ANKRD11: variants seen among roughly 807,000 people sequenced by gnomAD.
ANKRD11 encodes the protein ankyrin repeat domain 11.
ANKRD11 carries 17 observed loss-of-function variants against 195.7 expected under a neutral mutation model. The ratio of observed to expected loss-of-function variants is 0.09; its 90% CI spans 0.06 to 0.13. The LOEUF (loss-of-function observed/expected upper bound fraction) is 0.13. Ranked by LOEUF, ANKRD11 falls within the 10% of genes least tolerant of loss-of-function variation. The pLI, the probability that ANKRD11 is intolerant of heterozygous loss-of-function variation, is 1.00. For synonymous variants in ANKRD11, 1,953 were observed against 1,528.1 expected, an observed-to-expected ratio of 1.28 and a Z score of -6.49; for missense variants, 3,735 against 3,566.1, an observed-to-expected ratio of 1.05 and a Z score of -1.21.
intron 12 of ANKRD11, 125 bp from the exon 13 acceptor site, chr16:89,268,788 A>G: frequency 8.8e-7 from 1 of 1,135,952 alleles, no homozygotes; most frequent in South Asian, 1.5e-5. Flanking sequence ...GGTATGGGCC[A>G]GGCCCAGCTG....
At chr16:89,360,289 G>C (rs567102787) in intron 2 of ANKRD11, among the ~76,000 whole-genome samples, 103 of 152,244 alleles carry the variant, frequency 6.8e-4, no homozygotes, top group African/African-American at 2.4e-3. Context: ...TAGGGATGGG[G>C]CTTCACTATG....
At chr16:89,345,323 C>T (rs2038889599) in intron 2 of ANKRD11, among the ~76,000 whole-genome samples, 1 of 150,196 alleles carries the variant, frequency 6.7e-6, no homozygotes, top group East Asian at 2.0e-4. Context: ...CTCGACCCCA[C>T]AGAGCTCAGT....
Position 89,305,313 on chromosome 16 carries a change from G to C in ANKRD11, c.119C>G (p.Pro40Arg), listed in dbSNP as rs1020439911. ...DKDKVSLTKT[P>R]KLERGDGGKE... ...CCCGCCATCGCCACGCTCCAGTTTTGGGGTCTTGGTTAGAGAAACTTTATC... is the reference window on the plus strand; with the variant it reads ...CCCGCCATCGCCACGCTCCAGTTTTCGGGTCTTGGTTAGAGAAACTTTATC... The change falls in exon 4 of 13, where the codon CCA (proline) becomes CGA (arginine). Residue 40 changes from proline to arginine, a missense_variant. Pro to Arg is a moderately radical substitution (Grantham distance 103, BLOSUM62 -2). Transcript: ENST00000301030. The C allele has an allele frequency of 6.2e-7, 1 of 1,613,954 alleles. No individual in the cohort carries two copies. Among genetic ancestry groups the C allele is most frequent in the Non-Finnish European group, 8.5e-7 (1 of 1,179,884 alleles).
intron 2 of ANKRD11, among the ~76,000 whole-genome samples, chr16:89,417,295 T>C (rs563711655): frequency 6.6e-6 from 1 of 152,068 alleles, no homozygotes; most frequent in Non-Finnish European, 1.5e-5. Context: ...CAAAACAGAT[T>C]ATGTATTTTT....
chr16:89,313,603 G>T, intron 3 of ANKRD11: 1 of 1,288,592 alleles, frequency 7.8e-7, no homozygotes, highest in Non-Finnish European at 1.0e-6. Context: ...AAAATATATT[G>T]TTTTTGATAA....
chr16:89,275,046 G>C (rs1360388069), intron 10 of ANKRD11, 47 bp downstream of exon 10: 1 of 1,612,722 alleles, frequency 6.2e-7, no homozygotes, highest in African/African-American at 1.3e-5. Flanking sequence ...CCTGCGCCGT[G>C]AAAAGCCCTG....
chr16:89,311,250 C>T (rs2036593212), intron 3 of ANKRD11, among the ~76,000 whole-genome samples: 1 of 152,196 alleles, frequency 6.6e-6, no homozygotes. Flanking sequence ...GGTCATGGTA[C>T]ATTATTCATT....
chr16:89,338,098 C>G (rs903982822), intron 2 of ANKRD11, among the ~76,000 whole-genome samples: 2 of 152,230 alleles, frequency 1.3e-5, no homozygotes, highest in Admixed American at 6.5e-5. Context: ...GGGGCCCCCA[C>G]TATGGCCATC....
chr16:89,356,804 A>G (rs886178433), intron 2 of ANKRD11, among the ~76,000 whole-genome samples: 1 of 148,408 alleles, frequency 6.7e-6, no homozygotes, highest in South Asian at 2.1e-4. Flanking sequence ...AAGAAAAAAG[A>G]AAAAAAAAGA....
intron 2 of ANKRD11, among the ~76,000 whole-genome samples, chr16:89,388,838 C>T (rs1176893700): frequency 1.3e-5 from 2 of 152,164 alleles, no homozygotes. Context: ...GAATGATGAA[C>T]CCAAAACTGA....
At chr16:89,422,955 C>T (rs2042573224) in intron 1 of ANKRD11, among the ~76,000 whole-genome samples, 1 of 152,116 alleles carries the variant, frequency 6.6e-6, no homozygotes, top group African/African-American at 2.4e-5. Context: ...GCTTGCTAAC[C>T]ATAGTCTTCA....
chr16:89,269,020 G>A (rs16965520), intron 12 of ANKRD11, among the ~76,000 whole-genome samples: 4,185 of 152,304 alleles, frequency 0.027, 191 homozygotes, highest in African/African-American at 0.096. Context: ...AATTACTTAC[G>A]GCCAGTGATA....
intron 1 of ANKRD11, among the ~76,000 whole-genome samples, chr16:89,435,986 C>A (rs925890822): frequency 6.6e-6 from 1 of 152,216 alleles, no homozygotes; most frequent in African/African-American, 2.4e-5. Flanking sequence ...AGCACGCCCA[C>A]CAGCCCAGCA....
At chr16:89,382,247 TA>T (rs917867675) in intron 2 of ANKRD11, among the ~76,000 whole-genome samples, 2 of 151,940 alleles carry the variant, frequency 1.3e-5, no homozygotes, top group Admixed American at 1.3e-4. Context: ...CAAGCAAAGT[TA>T]AAAGGTGTCT....
intron 11 of ANKRD11, among the ~76,000 whole-genome samples, chr16:89,273,265 G>A (rs898373303): frequency 6.6e-6 from 1 of 152,118 alleles, no homozygotes; most frequent in African/African-American, 2.4e-5. Context: ...TTAGAGGCAC[G>A]AGCTGGTCCT....
At chr16:89,323,408 G>A (rs2037463820) in intron 2 of ANKRD11, 1 of 1,194,230 alleles carries the variant, frequency 8.4e-7, no homozygotes, top group African/African-American at 1.7e-5. Flanking sequence ...GCAGCCCAGG[G>A]CAGGGGGGCT....
At chr16:89,424,692 T>C (rs1597363967) in intron 1 of ANKRD11, among the ~76,000 whole-genome samples, 1 of 152,134 alleles carries the variant, frequency 6.6e-6, no homozygotes, top group Non-Finnish European at 1.5e-5. Flanking sequence ...ATTTTTCAAA[T>C]GGAGGACAAA....
intron 11 of ANKRD11, among the ~76,000 whole-genome samples, chr16:89,273,925 G>C (rs899493701): frequency 1.4e-4 from 21 of 152,116 alleles, no homozygotes; most frequent in Non-Finnish European, 2.5e-4. Context: ...GCGAGATCTG[G>C]ACACCAAGGC....
intron 4 of ANKRD11, among the ~76,000 whole-genome samples, chr16:89,302,354 G>A (rs953071993): frequency 3.3e-5 from 5 of 152,190 alleles, no homozygotes; most frequent in Non-Finnish European, 7.3e-5. Flanking sequence ...TTGGGTTCAC[G>A]CAATTCTCCT....
Sources: gnomAD v4.1 joint callset for allele counts (sites outside exome capture counted in the v4.1 genomes callset) on GRCh38, gnomAD v4.1.1 for gene constraint, MANE v1.5 for transcripts, NCBI Gene and HGNC (gene_info 2026-07-23, HGNC 2026-07-21) for gene names.